SCP2: variants seen among roughly 807,000 people sequenced by gnomAD.
SCP2 encodes the protein SCP-2/3-oxoacyl-CoA thiolase.
A neutral mutation model predicts 71.4 loss-of-function variants in SCP2; 48 were observed. The observed-to-expected ratio is 0.67, with a 90% CI of 0.53 to 0.86. The LOEUF is 0.86. Ranked by LOEUF, SCP2 falls within the 40% of genes least tolerant of loss-of-function variation. The pLI is 0.00. For synonymous variants in SCP2, 220 were observed against 218.1 expected (o/e 1.01, Z -0.08); for missense variants, 560 against 655.6 (o/e 0.85, Z 1.59).
At chr1:52,959,509 T>A (rs1656137399) in intron 5 of SCP2, among the ~76,000 whole-genome samples, 2 of 152,116 alleles carry the variant, frequency 1.3e-5, no homozygotes, top group African/African-American at 4.8e-5. Flanking sequence ...ATTTTTAATT[T>A]AAAAAATATT....
intron 12 of SCP2, among the ~76,000 whole-genome samples, chr1:53,023,965 C>A (rs1402200207): frequency 6.6e-6 from 1 of 152,156 alleles, no homozygotes; most frequent in African/African-American, 2.4e-5. Context: ...ACCCACTACA[C>A]GAGAATTACA....
rs577122525 is a variant in SCP2 at position 53,010,083 on chromosome 1, A to G, written c.1082-4807A>G. 4.5e-4 allele frequency among the ~76,000 whole-genome samples: 69 copies of G among 152,334 alleles called. No homozygotes were observed. In the East Asian group the frequency reaches 0.012, roughly 26 times the overall value. ...CAAATCAAAACCACAATGAGATACCATCTCACACCAGTTAGAATGGTGATC... is the reference window on the plus strand; with the variant it reads ...CAAATCAAAACCACAATGAGATACCGTCTCACACCAGTTAGAATGGTGATC... On this transcript the variant is annotated intron_variant, in intron 11 of 15. Transcript: ENST00000371514.
intron 12 of SCP2, among the ~76,000 whole-genome samples, chr1:53,022,009 A>G (rs1034101714): frequency 6.6e-6 from 1 of 152,158 alleles, no homozygotes; most frequent in African/African-American, 2.4e-5. Flanking sequence ...CATGCCCACA[A>G]TTCACGCATT....
Position 52,980,530 on chromosome 1 carries a change from A to T in SCP2, c.960A>T (p.Gly320=). 6.2e-7 allele frequency: 1 copy of T among 1,613,828 alleles called. No individual in the cohort carries two copies. The highest frequency in any genetic ancestry group is 8.5e-7 in the Non-Finnish European group (1 of 1,179,764). ...AACTCCTTACTTATGAAGCACTGGG[A>T]CTCTGTCCAGAAGGTAACATCTTTG... The part of the protein sequence containing the change: ...TNELLTYEAL[G]LCPEGQGATL... Residue 320 remains glycine, a synonymous_variant, in exon 10 of 16, where the codon GGA becomes GGT. Coordinates refer to ENST00000371514, the MANE Select transcript of SCP2 (RefSeq NM_002979.5).
At chr1:52,946,413 G>A (rs1654801056) in intron 2 of SCP2, among the ~76,000 whole-genome samples, 1 of 151,124 alleles carries the variant, frequency 6.6e-6, no homozygotes, top group Admixed American at 6.6e-5. Context: ...TTTTTGTAGA[G>A]ATGGGGTCCC....
At chr1:53,043,418 T>A (rs922520829) in intron 14 of SCP2, among the ~76,000 whole-genome samples, 1 of 152,228 alleles carries the variant, frequency 6.6e-6, no homozygotes, top group Admixed American at 6.5e-5. Context: ...CATCTGGGAT[T>A]CATCAAATGC....
rs189079118 is a variant in SCP2, at chr1:52,945,244, A to G, written c.128-2765A>G. Among the ~76,000 whole-genome samples, 99 of 152,252 alleles carry G rather than the reference A, an allele frequency of 6.5e-4. No homozygotes were observed. In the East Asian group the frequency reaches 0.018, roughly 27 times the overall value. The stretch of plus-strand genomic sequence containing the variant: ...CACTATGCTGCCCAGGCTGGAGTGC[A>G]GTGGCTATTCACAGGTCCAGTCATA... On this transcript the variant is annotated intron_variant, in intron 2 of 15. Coordinates refer to ENST00000371514, the MANE Select transcript of SCP2 (RefSeq NM_002979.5).
At chr1:53,037,741 G>C (rs923544402) in intron 13 of SCP2, among the ~76,000 whole-genome samples, 10 of 152,018 alleles carry the variant, frequency 6.6e-5, no homozygotes, top group African/African-American at 2.4e-4. Flanking sequence ...TGATTGCAAG[G>C]AACCAAAAAT....
intron 5 of SCP2, among the ~76,000 whole-genome samples, chr1:52,960,898 G>A (rs1656367483): frequency 6.6e-6 from 1 of 151,080 alleles, no homozygotes; most frequent in Non-Finnish European, 1.5e-5. Flanking sequence ...GACTGTAGGT[G>A]CATACCACCA....
intron 4 of SCP2, among the ~76,000 whole-genome samples, chr1:52,951,871 C>T (rs529969565): frequency 5.9e-5 from 9 of 152,076 alleles, no homozygotes; most frequent in African/African-American, 9.6e-5. Flanking sequence ...TACCTACCAC[C>T]ATGCCTGGCT....
At chr1:52,980,582 T>G in intron 10 of SCP2, 39 bp downstream of exon 10, 12 of 1,583,876 alleles carry the variant, frequency 7.6e-6, no homozygotes, top group Non-Finnish European at 1.0e-5. Flanking sequence ...TCAGTAAATT[T>G]CACTGAGAAA....
intron 11 of SCP2, among the ~76,000 whole-genome samples, chr1:52,999,815 GT>G (rs60893788): frequency 0.16 from 17,223 of 109,232 alleles, 1,838 homozygotes; most frequent in African/African-American, 0.4. Flanking sequence ...CTGAACACTT[GT>G]TTTTTTTTTT....
intron 6 of SCP2, among the ~76,000 whole-genome samples, chr1:52,962,432 T>C (rs1656555098): frequency 6.6e-6 from 1 of 152,140 alleles, no homozygotes; most frequent in South Asian, 2.1e-4. Flanking sequence ...GTCAATTCTC[T>C]ACTTTATAGC....
chr1:52,942,233 A>G (rs1021131053), intron 2 of SCP2, among the ~76,000 whole-genome samples: 1 of 152,224 alleles, frequency 6.6e-6, no homozygotes, highest in African/African-American at 2.4e-5. Context: ...AATGTATTAA[A>G]TACCTGTATG....
chr1:53,018,554 C>T (rs755214623), intron 12 of SCP2, among the ~76,000 whole-genome samples: 5 of 152,000 alleles, frequency 3.3e-5, no homozygotes, highest in Non-Finnish European at 5.9e-5. Context: ...CCAGCCTGGA[C>T]AACATGGCGA....
At chr1:52,998,723 T>G (rs1033732202) in intron 11 of SCP2, among the ~76,000 whole-genome samples, 5 of 152,210 alleles carry the variant, frequency 3.3e-5, no homozygotes, top group African/African-American at 1.2e-4. Context: ...CAGTGCAGAT[T>G]GCCAAATTTT....
chr1:52,993,822 A>T (rs556216914), intron 11 of SCP2: 1 of 1,521,580 alleles, frequency 6.6e-7, no homozygotes, highest in Non-Finnish European at 8.8e-7. Flanking sequence ...TGAATTTGGT[A>T]TCTGTCATTC....
intron 14 of SCP2, among the ~76,000 whole-genome samples, chr1:53,045,473 GA>G (rs1663737837): frequency 6.6e-6 from 1 of 152,024 alleles, no homozygotes; most frequent in Admixed American, 6.6e-5. Flanking sequence ...TTCAATCTGG[GA>G]GCCTGATGAA....
intron 11 of SCP2, chr1:52,995,633 A>G (rs1659880615): frequency 1.6e-6 from 1 of 625,820 alleles, no homozygotes; most frequent in Non-Finnish European, 3.1e-6. Context: ...CACAGCTTAT[A>G]TCTCACCGTG....
Sources: gnomAD v4.1 joint callset for allele counts (sites outside exome capture counted in the v4.1 genomes callset) on GRCh38, gnomAD v4.1.1 for gene constraint, MANE v1.5 for transcripts, NCBI Gene and HGNC (gene_info 2026-07-23, HGNC 2026-07-21) for gene names.